MACROD2: variants seen among roughly 807,000 people sequenced by gnomAD.
MACROD2 encodes the protein mono-ADP ribosylhydrolase 2.
A neutral mutation model predicts 70.4 loss-of-function variants in MACROD2; 36 were observed. That is an observed-to-expected ratio of 0.51 (90% CI 0.39 to 0.68). The LOEUF is 0.68. Among genes scored for constraint, MACROD2 ranks in the 30% least tolerant of loss-of-function variants. The pLI is 0.00. For synonymous variants in MACROD2, 172 were observed against 178.8 expected (o/e 0.96, Z 0.30); for missense variants, 496 against 538.4 (o/e 0.92, Z 0.78).
chr20:15,175,470 CT>C (rs1033621849), intron 5 of MACROD2, among the ~76,000 whole-genome samples: 10 of 152,042 alleles, frequency 6.6e-5, no homozygotes, highest in Non-Finnish European at 1.3e-4. Flanking sequence ...GCATGGCAAA[CT>C]TTTACAATGA....
intron 7 of MACROD2, among the ~76,000 whole-genome samples, chr20:15,453,071 G>A (rs1307620515): frequency 1.3e-5 from 2 of 152,136 alleles, no homozygotes; most frequent in African/African-American, 4.8e-5. Context: ...TCTTGTAGAA[G>A]CCAGACCATG....
At chr20:14,697,228 C>T (rs934512914) in intron 5 of MACROD2, among the ~76,000 whole-genome samples, 9 of 152,144 alleles carry the variant, frequency 5.9e-5, no homozygotes, top group African/African-American at 2.2e-4. Context: ...TATGTCCTAC[C>T]TATTGTTTTA....
chr20:15,451,430 A>AAT (rs2046641369), intron 7 of MACROD2, among the ~76,000 whole-genome samples: 1 of 150,586 alleles, frequency 6.6e-6, no homozygotes, highest in Non-Finnish European at 1.5e-5. Flanking sequence ...AAAAAAAAAA[A>AAT]AAAAAAAAAA....
chr20:14,270,639 T>G (rs2082184682), intron 3 of MACROD2, among the ~76,000 whole-genome samples: 1 of 152,116 alleles, frequency 6.6e-6, no homozygotes, highest in South Asian at 2.1e-4. Flanking sequence ...CTCAACCTCT[T>G]TTTTCAAGAC....
intron 6 of MACROD2, among the ~76,000 whole-genome samples, chr20:15,410,698 A>G (rs181420817): frequency 6.6e-6 from 1 of 152,006 alleles, no homozygotes; most frequent in East Asian, 1.9e-4. Context: ...AAGTAGCCAC[A>G]AAATAGTCAT....
At chr20:14,371,995 T>C (rs1475745) in intron 3 of MACROD2, among the ~76,000 whole-genome samples, 132,387 of 151,998 alleles carry the variant, frequency 0.87, 57,905 homozygotes, top group South Asian at 0.92. Context: ...TAATAGTTTC[T>C]AGTTTGACTT....
At chr20:15,876,683 C>T (rs920131266) in intron 9 of MACROD2, among the ~76,000 whole-genome samples, 3 of 152,106 alleles carry the variant, frequency 2.0e-5, no homozygotes, top group Admixed American at 6.5e-5. Context: ...CCTGAGGAGT[C>T]GCCACACTGT....
At chr20:15,454,117 G>A (rs2046682972) in intron 7 of MACROD2, among the ~76,000 whole-genome samples, 1 of 152,140 alleles carries the variant, frequency 6.6e-6, no homozygotes, top group Non-Finnish European at 1.5e-5. Context: ...AGCTTCAGAG[G>A]AGGCAATTGT....
At chr20:14,047,435 A>G (rs1443775622) in intron 2 of MACROD2, among the ~76,000 whole-genome samples, 1 of 147,978 alleles carries the variant, frequency 6.8e-6, no homozygotes, top group African/African-American at 2.5e-5. Context: ...AGCCTGAGCA[A>G]CAGAGCGAGA....
chr20:14,725,963 G>A (rs2071525088), intron 5 of MACROD2, among the ~76,000 whole-genome samples: 1 of 152,120 alleles, frequency 6.6e-6, no homozygotes, highest in African/African-American at 2.4e-5. Context: ...TCTGACAGTG[G>A]TTCCTGTTAT....
intron 5 of MACROD2, among the ~76,000 whole-genome samples, chr20:14,995,513 C>CA (rs1009265384): frequency 6.7e-5 from 10 of 148,962 alleles, no homozygotes; most frequent in Non-Finnish European, 8.9e-5. Context: ...CTGCCTCTAC[C>CA]AAAAAAAATA....
intron 2 of MACROD2, among the ~76,000 whole-genome samples, chr20:14,083,060 T>A (rs1361852467): frequency 1.3e-5 from 2 of 150,684 alleles, no homozygotes; most frequent in African/African-American, 4.9e-5. Flanking sequence ...TGAAAAAGTA[T>A]CTTAGTATTG....
intron 5 of MACROD2, among the ~76,000 whole-genome samples, chr20:15,127,340 CAT>C (rs1350868681): frequency 2.2e-4 from 34 of 152,070 alleles, no homozygotes; most frequent in Non-Finnish European, 3.8e-4. Flanking sequence ...TTATCTAAAA[CAT>C]ATTCTAGAGA....
intron 3 of MACROD2, among the ~76,000 whole-genome samples, chr20:14,242,008 T>A (rs1601391539): frequency 6.6e-6 from 1 of 152,146 alleles, no homozygotes; most frequent in East Asian, 1.9e-4. Context: ...CAGTCATTTG[T>A]ATTATATTAA....
intron 4 of MACROD2, among the ~76,000 whole-genome samples, chr20:14,567,462 A>G (rs1953638024): frequency 6.6e-6 from 1 of 152,080 alleles, no homozygotes; most frequent in Non-Finnish European, 1.5e-5. Flanking sequence ...ATAGCTTATT[A>G]AAGGTCAACA....
intron 15 of MACROD2, among the ~76,000 whole-genome samples, chr20:16,032,746 A>C (rs559144339): frequency 8.4e-6 from 1 of 119,602 alleles, no homozygotes; most frequent in South Asian, 3.4e-4. Flanking sequence ...AGAAGGGAAG[A>C]AAGGGAGGAG....
At chr20:15,755,828 G>T (rs942126006) in intron 8 of MACROD2, among the ~76,000 whole-genome samples, 4 of 152,176 alleles carry the variant, frequency 2.6e-5, no homozygotes, top group African/African-American at 9.7e-5. Flanking sequence ...ACTGGGTGGA[G>T]TGCCTCATAC....
At chr20:14,292,417 T>G (rs2082394128) in intron 3 of MACROD2, among the ~76,000 whole-genome samples, 1 of 151,884 alleles carries the variant, frequency 6.6e-6, no homozygotes, top group South Asian at 2.1e-4. Context: ...GAAGAACTTT[T>G]CTACAACAAA....
chr20:16,007,643 T>A (rs1376803140), intron 15 of MACROD2, among the ~76,000 whole-genome samples: 1 of 152,208 alleles, frequency 6.6e-6, no homozygotes, highest in Non-Finnish European at 1.5e-5. Flanking sequence ...CGGTATCTAC[T>A]TTTCTTCAAA....
Sources: gnomAD v4.1 joint callset for allele counts (sites outside exome capture counted in the v4.1 genomes callset) on GRCh38, gnomAD v4.1.1 for gene constraint, MANE v1.5 for transcripts, NCBI Gene and HGNC (gene_info 2026-07-23, HGNC 2026-07-21) for gene names.